Variants in CHLSN observed in about 807,000 individuals in gnomAD.
CHLSN encodes the protein protein cholesin.
At chr7:1,008,996 T>C in the CHLSN span, among the ~76,000 whole-genome samples, 1 of 53,178 alleles carries the variant, frequency 1.9e-5, no homozygotes, top group Non-Finnish European at 3.7e-5. Flanking sequence ...CGAACACACA[T>C]ACACGCACAC....
the CHLSN span, among the ~76,000 whole-genome samples, chr7:1,125,103 T>C: frequency 6.6e-6 from 1 of 152,232 alleles, no homozygotes; most frequent in African/African-American, 2.4e-5. Flanking sequence ...GCCACAGACG[T>C]GGTGGACGTG....
At chr7:1,023,805 C>T in the CHLSN span, among the ~76,000 whole-genome samples, 377 of 152,278 alleles carry the variant, frequency 2.5e-3, 2 homozygotes, top group Non-Finnish European at 2.6e-3. The surrounding 1 kb of genome is among the most constrained non-coding windows in gnomAD (Gnocchi z 5.0). Context: ...AGCAGCGGCC[C>T]CTGCAGCCCA....
the CHLSN span, among the ~76,000 whole-genome samples, chr7:1,018,373 CCAGACT>C: frequency 1.3e-5 from 2 of 152,260 alleles, no homozygotes; most frequent in South Asian, 4.1e-4. Flanking sequence ...CATCTCAGAC[CCAGACT>C]CAAAGTCCGC....
chr7:1,058,271 C>G, the CHLSN span: 5 of 772,594 alleles, frequency 6.5e-6, no homozygotes, highest in African/African-American at 5.1e-5. Flanking sequence ...ACTATCTGAT[C>G]CTGCTGGGGC....
chr7:1,041,709 G>A, the CHLSN span, among the ~76,000 whole-genome samples: 2 of 152,138 alleles, frequency 1.3e-5, no homozygotes, highest in East Asian at 1.9e-4. Context: ...TGATCAGCAC[G>A]GCACACACTA....
the CHLSN span, chr7:985,352 G>A: frequency 4.5e-6 from 7 of 1,545,392 alleles, no homozygotes; most frequent in Admixed American, 2.0e-5. Context: ...TCCTTGGGGT[G>A]GGGTGGAGCC....
chr7:1,048,052 G>C, the CHLSN span, among the ~76,000 whole-genome samples: 1 of 152,142 alleles, frequency 6.6e-6, no homozygotes, highest in African/African-American at 2.4e-5. Context: ...AAGACTGGCG[G>C]AGGGGTGTGG....
chr7:1,106,740 C>G, the CHLSN span, among the ~76,000 whole-genome samples: 6 of 152,370 alleles, frequency 3.9e-5, no homozygotes, highest in Non-Finnish European at 8.8e-5. Flanking sequence ...GATGCCGGTG[C>G]TGCCGGAGGG....
the CHLSN span, among the ~76,000 whole-genome samples, chr7:993,143 GC>G: frequency 2.0e-5 from 3 of 152,212 alleles, no homozygotes; most frequent in Non-Finnish European, 1.5e-5. Context: ...AACCCACGCA[GC>G]CAGCAGGGGT....
the CHLSN span, among the ~76,000 whole-genome samples, chr7:995,133 G>C: frequency 6.6e-6 from 1 of 152,266 alleles, no homozygotes; most frequent in East Asian, 1.9e-4. Flanking sequence ...GGCACACACA[G>C]CCCCAGCACA....
chr7:984,683 G>C, the CHLSN span: 1 of 1,417,238 alleles, frequency 7.1e-7, no homozygotes, highest in African/African-American at 1.4e-5. Context: ...GCCTGGGGAA[G>C]AGCAGGCAGG....
At chr7:981,296 CAAA>C in the CHLSN span, among the ~76,000 whole-genome samples, 7 of 84,382 alleles carry the variant, frequency 8.3e-5, no homozygotes, top group Non-Finnish European at 1.3e-4. Context: ...GACTCCATCT[CAAA>C]AAAAAAAAAA....
chr7:1,101,147 G>A, the CHLSN span, among the ~76,000 whole-genome samples: 24 of 152,266 alleles, frequency 1.6e-4, no homozygotes, highest in Non-Finnish European at 2.6e-4. Flanking sequence ...GCACACTCCC[G>A]CAGACTCTGC....
At chr7:1,136,377 TA>T in the CHLSN span, among the ~76,000 whole-genome samples, 1 of 72,202 alleles carries the variant, frequency 1.4e-5, no homozygotes, top group Admixed American at 1.6e-4. Context: ...TAAATATATA[TA>T]AATATATAAA....
the CHLSN span, among the ~76,000 whole-genome samples, chr7:1,004,996 TA>T: frequency 1.3e-5 from 2 of 151,790 alleles, no homozygotes; most frequent in Non-Finnish European, 2.9e-5. Flanking sequence ...TACTGGGCTT[TA>T]AAAAAAAGCA....
the CHLSN span, chr7:1,091,691 C>G: frequency 1.4e-6 from 2 of 1,424,452 alleles, no homozygotes; most frequent in Non-Finnish European, 1.9e-6. Flanking sequence ...GCTCTGGGAG[C>G]CTTTCGGCAA....
the CHLSN span, among the ~76,000 whole-genome samples, chr7:1,066,447 G>T: frequency 6.6e-6 from 1 of 152,222 alleles, no homozygotes; most frequent in Non-Finnish European, 1.5e-5. Flanking sequence ...GTTTCCCGGC[G>T]GGGGGCCCTG....
chr7:1,010,210 GGCTTCCCGA>G, the CHLSN span: 21 of 1,456,042 alleles, frequency 1.4e-5, no homozygotes, highest in Non-Finnish European at 1.9e-5. Flanking sequence ...CGCTGCCTGG[GGCTTCCCGA>G]GCCCACCCTC....
chr7:1,038,288 C>T, the CHLSN span, among the ~76,000 whole-genome samples: 86 of 97,224 alleles, frequency 8.8e-4, 11 homozygotes, highest in South Asian at 0.025. Context: ...CCAGCCATGC[C>T]GTCCGGGAGG....
Sources: allele counts gnomAD v4.1 joint callset (sites outside exome capture counted in the v4.1 genomes callset), GRCh38; gene constraint gnomAD v4.1.1; non-coding constraint Gnocchi (gnomAD v3.1); transcripts MANE v1.5; gene names NCBI Gene and HGNC (gene_info 2026-07-23, HGNC 2026-07-21).